The following ST7L variants were observed in gnomAD, a reference collection of about 807,000 sequenced individuals.
The protein encoded by ST7L is suppression of tumorigenicity 7 like.
A neutral mutation model predicts 72.5 loss-of-function variants in ST7L; 57 were observed. That is an observed-to-expected ratio of 0.79 (90% CI 0.64 to 0.98). The LOEUF is 0.98. Ranked by LOEUF, ST7L falls within the 50% of genes least tolerant of loss-of-function variation. The probability of loss-of-function intolerance (pLI) is 0.00; values close to 1 mark genes in which losing one functional copy is unlikely to be tolerated. For synonymous variants in ST7L, 221 were observed against 240.9 expected, an observed-to-expected ratio of 0.92 and a Z score of 0.77; for missense variants, 576 against 672.2, an observed-to-expected ratio of 0.86 and a Z score of 1.58.
At chr1:112,586,856 C>T (rs998978345) in intron 6 of ST7L, among the ~76,000 whole-genome samples, 4 of 152,124 alleles carry the variant, frequency 2.6e-5, no homozygotes, top group African/African-American at 4.8e-5. Flanking sequence ...GTGCAACCAT[C>T]GCCACAATGT....
downstream of ST7L, chr1:112,520,149 G>A: frequency 1.2e-5 from 10 of 819,716 alleles, no homozygotes; most frequent in Non-Finnish European, 1.9e-5. Context: ...TGGGATGATA[G>A]GCATGAGTGA....
intron 11 of ST7L, among the ~76,000 whole-genome samples, chr1:112,575,558 T>C (rs1662968933): frequency 6.6e-6 from 1 of 152,142 alleles, no homozygotes; most frequent in African/African-American, 2.4e-5. Flanking sequence ...GGCTACTAAG[T>C]GACTAATGGG....
At chr1:112,588,791 C>T (rs1394806195) in intron 6 of ST7L, among the ~76,000 whole-genome samples, 1 of 152,152 alleles carries the variant, frequency 6.6e-6, no homozygotes, top group African/African-American at 2.4e-5. Flanking sequence ...ATTTGGAGTG[C>T]TCTTTTGTTT....
chr1:112,584,122 C>G lies in ST7L; in HGVS notation c.706G>C (p.Ala236Pro). 1 of 1,612,020 alleles carries G rather than the reference C, an allele frequency of 6.2e-7. No individual in the cohort carries two copies. Among genetic ancestry groups the G allele is most frequent in the Non-Finnish European group, 8.5e-7 (1 of 1,179,446 alleles). Reference sequence around the variant, plus strand: ...TCAGCCAGTAGAACATATGCAGTGGCACAGCTATGAAGAAAGCAAGAAGGC... The same window carrying G: ...TCAGCCAGTAGAACATATGCAGTGGGACAGCTATGAAGAAAGCAAGAAGGC... ...YQALELNNDC[A>P]TAYVLLAEEE... is the part of the protein sequence containing the mutation. The change falls in exon 7 of 15, where the codon GCC becomes CCC. Residue 236 changes from alanine (A) to proline (P), a missense_variant. Ala to Pro is a conservative substitution (Grantham distance 27). This residue lies in a region of ST7L where 511 missense variants were observed against 600.7 expected (regional missense o/e 0.85). Coordinates refer to ENST00000358039, the MANE Select transcript of ST7L (RefSeq NM_017744.5).
chr1:112,571,734 T>G (rs559671095), intron 11 of ST7L, among the ~76,000 whole-genome samples: 1 of 152,294 alleles, frequency 6.6e-6, no homozygotes, highest in African/African-American at 2.4e-5. Flanking sequence ...CCTATATAGT[T>G]TTAATGAAGC....
At chr1:112,558,051 A>C (rs2101626714) in intron 11 of ST7L, among the ~76,000 whole-genome samples, 1 of 152,328 alleles carries the variant, frequency 6.6e-6, no homozygotes, top group East Asian at 1.9e-4. Context: ...AGTCAACTTA[A>C]AACCTTTAAA....
At chr1:112,568,413 T>C (rs1661417407) in intron 11 of ST7L, among the ~76,000 whole-genome samples, 1 of 148,588 alleles carries the variant, frequency 6.7e-6, no homozygotes, top group Admixed American at 6.8e-5. Context: ...CTCGGCTCAC[T>C]GCAAGCTCTG....
In ST7L at chr1:112,578,383, G is replaced by A. The variant is rs774198836; in HGVS notation, c.1104C>T (p.Tyr368=). The change falls in exon 10 of 15, where the codon TAC becomes TAT. Residue 368 remains tyrosine, a synonymous_variant. Transcript: ENST00000358039. ...ISLPKSAAIC[Y]TAALLKTRTV... Reference sequence around the variant, plus strand: ...TCCTTGTCTTCAACAGTGCTGCTGTGTAACAGATTGCTGCTGACTTTGGAA... The same window carrying A: ...TCCTTGTCTTCAACAGTGCTGCTGTATAACAGATTGCTGCTGACTTTGGAA... 19 of 1,614,004 alleles carry A rather than the reference G, an allele frequency of 1.2e-5. No homozygotes were observed. The highest frequency in any genetic ancestry group is 1.5e-5 in the Non-Finnish European group (18 of 1,180,002).
intron 11 of ST7L, among the ~76,000 whole-genome samples, chr1:112,566,276 T>G (rs1193784583): frequency 6.6e-6 from 1 of 150,808 alleles, no homozygotes; most frequent in Non-Finnish European, 1.5e-5. Context: ...ATATTTTCTT[T>G]TATTTCTTTT....
chr1:112,520,054 G>A (rs1398192932), downstream of ST7L, among the ~76,000 whole-genome samples: 1 of 147,112 alleles, frequency 6.8e-6, no homozygotes, highest in Admixed American at 7.0e-5. Flanking sequence ...TTAAGTTTTT[G>A]TAGAGACAGG....
intron 3 of ST7L, chr1:112,607,461 A>C (rs1357614628): frequency 2.0e-5 from 3 of 152,092 alleles, no homozygotes; most frequent in Non-Finnish European, 4.4e-5. Flanking sequence ...TTACTCTGGC[A>C]TGGTGGCAGG....
chr1:112,549,974 T>C (rs1657841936), intron 13 of ST7L, among the ~76,000 whole-genome samples: 1 of 152,220 alleles, frequency 6.6e-6, no homozygotes, highest in South Asian at 2.1e-4. Context: ...CTTCAATTTG[T>C]AGTTTACTGA....
At chr1:112,590,929 C>CTTTTT (rs146691818) in intron 6 of ST7L, among the ~76,000 whole-genome samples, 1 of 128,668 alleles carries the variant, frequency 7.8e-6, no homozygotes, top group Non-Finnish European at 1.6e-5. Flanking sequence ...TTTTAGTACC[C>CTTTTT]TTTTTTTTTT....
chr1:112,521,600 T>G (rs552555244), downstream of ST7L: 13 of 152,370 alleles, frequency 8.5e-5, no homozygotes, highest in African/African-American at 3.1e-4. Context: ...GGGGCCAAAG[T>G]GATACACAGC....
At chr1:112,605,391 TCAA>T (rs545936611) in intron 3 of ST7L, among the ~76,000 whole-genome samples, 305 of 149,558 alleles carry the variant, frequency 2.0e-3, no homozygotes, top group Admixed American at 4.0e-3. Flanking sequence ...AGACTCCGTC[TCAA>T]CAACAACAAA....
chr1:112,571,299 G>C (rs1662091880), intron 11 of ST7L: 1 of 456,296 alleles, frequency 2.2e-6, no homozygotes, highest in Admixed American at 2.4e-5. Flanking sequence ...TGAAATAGCT[G>C]AATTGTCAAC....
chr1:112,584,185 G>A, intron 6 of ST7L, 59 bp from the exon 7 acceptor site: 1 of 1,536,982 alleles, frequency 6.5e-7, no homozygotes, highest in Non-Finnish European at 8.8e-7. Context: ...GTTTTCTCTT[G>A]GTTATGTCCC....
At chr1:112,569,301 A>G (rs1661650253) in intron 11 of ST7L, among the ~76,000 whole-genome samples, 1 of 152,238 alleles carries the variant, frequency 6.6e-6, no homozygotes, top group Non-Finnish European at 1.5e-5. Flanking sequence ...ATGCTAGTCA[A>G]AAAGTGAAAC....
Position 112,582,494 on chromosome 1 carries a change from T to C in ST7L, c.857-22A>G, listed in dbSNP as rs547657571. 4.5e-5 allele frequency: 63 copies of C among 1,405,258 alleles called. 2 individuals are homozygous for C. In the Middle Eastern group the frequency reaches 1.8e-3, roughly 40 times the overall value. 87.0% of individuals were successfully genotyped at this position (1,405,258 alleles called of 1,614,324 possible). ...CTCCCTATTTAGAAAAACAAAAAAA[T>C]GATACAACTATCACTTTTGTATTGT... On this transcript the variant is annotated intron_variant, in intron 7 of 14. Coordinates refer to ENST00000358039, the MANE Select transcript of ST7L (RefSeq NM_017744.5).
Sources: gnomAD v4.1 joint callset for allele counts (sites outside exome capture counted in the v4.1 genomes callset) on GRCh38, gnomAD v4.1.1 for gene constraint, gnomAD v4.1.1 regional missense constraint, MANE v1.5 for transcripts, NCBI Gene and HGNC (gene_info 2026-07-23, HGNC 2026-07-21) for gene names.